KDM6A: variants seen among roughly 807,000 people sequenced by gnomAD.
KDM6A encodes lysine demethylase 6A.
In KDM6A, 11 loss-of-function variants were observed where a neutral mutation model predicts 117.6. The observed-to-expected ratio is 0.09, with a 90% CI of 0.06 to 0.15. The LOEUF is 0.15. KDM6A is among the 10% of genes least tolerant of loss of function. The pLI is 1.00. For missense variants in KDM6A, 799 were observed against 1,077.3 expected, an observed-to-expected ratio of 0.74 and a Z score of 3.62; for synonymous variants, 384 against 396.1, an observed-to-expected ratio of 0.97 and a Z score of 0.36.
chrX:44,897,623 C>T (rs1322105357), intron 2 of KDM6A, among the ~76,000 whole-genome samples: 1 of 111,406 alleles, frequency 9.0e-6, no homozygotes, highest in Non-Finnish European at 1.9e-5. Context: ...GACTGGAGTG[C>T]AGTGATGTGA....
intron 2 of KDM6A, among the ~76,000 whole-genome samples, chrX:44,946,609 A>T (rs1423803758): frequency 9.0e-6 from 1 of 111,040 alleles, no homozygotes; most frequent in Admixed American, 9.6e-5. Context: ...CTTTTTGTCT[A>T]ATTTTAAAGA....
intron 29 of KDM6A, among the ~76,000 whole-genome samples, chrX:45,110,742 T>C (rs1167766536): frequency 8.9e-6 from 1 of 112,081 alleles, no homozygotes; most frequent in Non-Finnish European, 1.9e-5. Flanking sequence ...TGTAACCTTA[T>C]GAAATTCAAG....
chrX:44,964,450 G>GAAAAA (rs565164399), intron 3 of KDM6A, among the ~76,000 whole-genome samples: 1 of 54,224 alleles, frequency 1.8e-5, no homozygotes. Context: ...CTCTGTCTCA[G>GAAAAA]AAAAAAAAAA....
intron 7 of KDM6A, among the ~76,000 whole-genome samples, chrX:45,037,200 A>G (rs779722808): frequency 8.9e-6 from 1 of 112,551 alleles, no homozygotes; most frequent in East Asian, 2.8e-4. Flanking sequence ...GAATTTTTAC[A>G]TCATCACTGA....
chrX:45,111,080 A>G (rs2046749094), intron 29 of KDM6A, among the ~76,000 whole-genome samples: 1 of 112,008 alleles, frequency 8.9e-6, no homozygotes, highest in Non-Finnish European at 1.9e-5. Context: ...TTTTGCAAGA[A>G]GCCCCCTTTT....
rs1159398595 is a variant in KDM6A at position 45,078,580 on chromosome X, A to T, written c.3094+75A>T. ...CTTTTAACTTTTCCAGCACTGGCAG[A>T]TACTTTTCTTTTTTTTCTTTTTTCT... On this transcript the variant is annotated intron_variant, in intron 20 of 29. Coordinates refer to ENST00000611820, the MANE Select transcript of KDM6A (RefSeq NM_001291415.2). The T allele has an allele frequency of 4.8e-6, 4 of 836,498 alleles. No individual in the cohort carries two copies. The African/African-American group carries it at 8.5e-5, about 18-fold the overall frequency. The allele number at this position is 836,498 out of a possible 1,213,427, so 68.9% of individuals were successfully genotyped here. A position where few individuals can be genotyped will look rare whatever the true frequency, so the allele number is the denominator to read the frequency against.
intron 9 of KDM6A, 75 bp downstream of exon 9, chrX:45,051,877 T>C (rs1461789954): frequency 4.3e-5 from 25 of 575,206 alleles, no homozygotes; most frequent in Non-Finnish European, 4.1e-5. Context: ...GTGGCAAATA[T>C]GTGGCTCATA....
At chrX:45,075,050 A>G (rs1048896074) in intron 18 of KDM6A, among the ~76,000 whole-genome samples, 2 of 111,417 alleles carry the variant, frequency 1.8e-5, no homozygotes, top group Non-Finnish European at 3.8e-5. Flanking sequence ...ATATACTTCA[A>G]TTTCTTCAAA....
At chrX:45,031,616 C>T (rs2042605182) in intron 6 of KDM6A, among the ~76,000 whole-genome samples, 1 of 111,426 alleles carries the variant, frequency 9.0e-6, no homozygotes, top group African/African-American at 3.3e-5. Flanking sequence ...AAACATTGCT[C>T]CAAATTAATA....
rs7056671 is a variant in KDM6A at position 44,926,964 on chromosome X, G to C, written c.226-34320G>C. ...AGTCTGTAAAATGAGAGAATAAATA[G>C]TTACCTTGCGCAAGGGCTGTTGTAA... On this transcript the variant is annotated intron_variant, in intron 2 of 29. Transcript: ENST00000611820. 5.3e-3 allele frequency among the ~76,000 whole-genome samples: 591 copies of C among 111,434 alleles called. 9 individuals carry two copies. Among genetic ancestry groups the C allele is most frequent in the African/African-American group, 0.016 (492 of 30,625 alleles).
chrX:45,020,030 A>G (rs917647062), intron 5 of KDM6A, among the ~76,000 whole-genome samples: 4 of 111,524 alleles, frequency 3.6e-5, no homozygotes, highest in Non-Finnish European at 7.5e-5. Context: ...CAGTAGCAAC[A>G]TAGAGTTTTG....
At chrX:45,001,027 T>C (rs1175571813) in intron 4 of KDM6A, among the ~76,000 whole-genome samples, 1 of 112,849 alleles carries the variant, frequency 8.9e-6, no homozygotes, top group African/African-American at 3.2e-5. Context: ...CCAAAGTTTG[T>C]TTTAAGTCTT....
chrX:44,938,863 A>G (rs1321398980), intron 2 of KDM6A, among the ~76,000 whole-genome samples: 2 of 112,407 alleles, frequency 1.8e-5, no homozygotes, highest in Admixed American at 1.9e-4. Flanking sequence ...AATCTGCTCT[A>G]CCTATACTTT....
intron 8 of KDM6A, among the ~76,000 whole-genome samples, chrX:45,038,550 C>T (rs2042913502): frequency 9.4e-6 from 1 of 105,915 alleles, no homozygotes; most frequent in Admixed American, 1.0e-4. Flanking sequence ...AAGATTGATA[C>T]ATCTTGATTT....
At chrX:44,983,204 A>T (rs1044068550) in intron 4 of KDM6A, among the ~76,000 whole-genome samples, 1 of 111,707 alleles carries the variant, frequency 9.0e-6, no homozygotes, top group African/African-American at 3.3e-5. Flanking sequence ...TACTTTATGG[A>T]CTAGACATGG....
intron 2 of KDM6A, among the ~76,000 whole-genome samples, chrX:44,956,248 A>C (rs149872783): frequency 1.8e-5 from 2 of 112,211 alleles, no homozygotes; most frequent in Non-Finnish European, 3.8e-5. Context: ...GAAATGTGCT[A>C]TTCAGAACTG....
rs758936344 is a variant in KDM6A at position 45,036,430 on chromosome X, A to C, written c.620-1225A>C. Among the ~76,000 whole-genome samples the C allele has an allele frequency of 5.4e-4, 61 of 112,200 alleles. 1 individual carries two copies. The highest frequency in any genetic ancestry group is 5.6e-4 in the Non-Finnish European group (30 of 53,272). On this transcript the variant is annotated intron_variant, in intron 7 of 29. Coordinates refer to ENST00000611820, the MANE Select transcript of KDM6A (RefSeq NM_001291415.2). ...TTATGTCATACTTTTACTAAAGGTA[A>C]TTTCCTGTGAAAATCTAAAGGATTT... is the stretch of plus-strand genomic sequence containing the variant.
At chrX:45,101,193 C>G (rs1428795984) in intron 27 of KDM6A, among the ~76,000 whole-genome samples, 2 of 111,475 alleles carry the variant, frequency 1.8e-5, no homozygotes, top group Non-Finnish European at 3.8e-5. Context: ...GGAATCCAAT[C>G]TGCCTTCATA....
Position 44,985,962 on chromosome X carries a change from T to G in KDM6A, c.384+11247T>G, listed in dbSNP as rs1481942831. Among the ~76,000 whole-genome samples, 3 of 112,170 alleles carry G rather than the reference T, an allele frequency of 2.7e-5. No individual in the cohort carries two copies. In the East Asian group the frequency reaches 8.4e-4, roughly 31 times the overall value. ...GAGGATTCCCTCTTTTTCTCTTGATTGGAATAGTTTCAGAAGGAATGGTAC... is the reference window on the plus strand; with the variant it reads ...GAGGATTCCCTCTTTTTCTCTTGATGGGAATAGTTTCAGAAGGAATGGTAC... On this transcript the variant is annotated intron_variant, in intron 4 of 29. Coordinates refer to ENST00000611820, the MANE Select transcript of KDM6A (RefSeq NM_001291415.2).
Sources: allele counts gnomAD v4.1 joint callset (sites outside exome capture counted in the v4.1 genomes callset), GRCh38; gene constraint gnomAD v4.1.1; transcripts MANE v1.5; gene names NCBI Gene and HGNC (gene_info 2026-07-23, HGNC 2026-07-21).